The following DVL1 variants were observed in gnomAD, a reference collection of about 807,000 sequenced individuals.
DVL1 encodes segment polarity protein dishevelled homolog DVL-1.
In DVL1, 49 loss-of-function variants were observed where a neutral mutation model predicts 65.0. The ratio of observed to expected loss-of-function variants is 0.75; its 90% CI spans 0.60 to 0.96. The LOEUF (loss-of-function observed/expected upper bound fraction) is 0.96, where lower values mean the gene tolerates loss of function less well. Ranked by LOEUF, DVL1 falls within the 40% of genes least tolerant of loss-of-function variation. The pLI, the probability that DVL1 is intolerant of heterozygous loss-of-function variation, is 0.00. For synonymous variants in DVL1, 608 were observed against 433.9 expected (o/e 1.40, Z -4.99); for missense variants, 1,197 against 1,045.4 (o/e 1.15, Z -2.00).
Position 1,340,460 on chromosome 1 carries a change from G to A in DVL1, c.649C>T (p.Arg217Trp), listed in dbSNP as rs776253695. 1.7e-5 allele frequency: 28 copies of A among 1,610,680 alleles called. No individual in the cohort carries two copies. Among genetic ancestry groups the A allele is most frequent in the South Asian group, 6.6e-5 (6 of 90,510 alleles). Residue 217 changes from arginine to tryptophan, a missense_variant, in exon 6 of 15, where the codon CGG becomes TGG. Coordinates refer to ENST00000378888, the MANE Select transcript of DVL1 (RefSeq NM_001330311.2). ...TEQSTSSRLI[R>W]KHKRRRRKQR... ...TTCCTCCGCCGGCGTTTGTGCTTCC[G>A]GATGAGTCTGGATGAGGTGCTCTGC...
At chr1:1,346,742 C>T (rs1182752466) in intron 1 of DVL1, among the ~76,000 whole-genome samples, 9 of 152,202 alleles carry the variant, frequency 5.9e-5, no homozygotes, top group Non-Finnish European at 8.8e-5. Flanking sequence ...GAGAATGCAG[C>T]GGGGGCTGGC....
rs978500384 is a variant in DVL1 at position 1,335,692 on chromosome 1, G to A, written c.*450C>T. On this transcript the variant is annotated 3_prime_UTR_variant, in exon 15 of 15. Transcript: ENST00000378888. ...AGGGGCAGCAGCAGGTGGGACAGAT[G>A]ACAGGGTCGCCTCCTCCCCCGAGTC... 2.3e-5 allele frequency: 4 copies of A among 171,320 alleles called. No homozygotes were observed. The highest frequency in any genetic ancestry group is 4.8e-5 in the African/African-American group (2 of 41,612). The allele number at this position is 171,320 out of a possible 1,614,324, so 10.6% of individuals were successfully genotyped here.
chr1:1,342,792 G>C lies in DVL1; in HGVS notation c.171-34C>G, dbSNP rs368967258. On this transcript the variant is annotated intron_variant, in intron 1 of 14. Transcript: ENST00000378888. Reference sequence around the variant, plus strand: ...ATATGCTGCCGTGAGGCCCCACCTGGGGGGCCCAACCCTGCGGTTCTAGAG... The same window carrying C: ...ATATGCTGCCGTGAGGCCCCACCTGCGGGGCCCAACCCTGCGGTTCTAGAG... 12 of 1,607,016 alleles carry C rather than the reference G, an allele frequency of 7.5e-6. No individual in the cohort carries two copies. In the Admixed American group the frequency reaches 8.4e-5, roughly 11 times the overall value.
At chr1:1,348,266 C>A (rs1643950285) in intron 1 of DVL1, among the ~76,000 whole-genome samples, 1 of 152,162 alleles carries the variant, frequency 6.6e-6, no homozygotes, top group African/African-American at 2.4e-5. Context: ...CCAGGCTGCC[C>A]CGAAACAGCA....
At position 1,341,213 on chromosome 1, in the gene DVL1, GCA is replaced by G. The variant is rs1037132666; in HGVS notation, c.605+452_605+453del. ...TCTGCACACGCACACCTGCACACACGCACACGCACACATGCACACACCTGCGC... is the reference window on the plus strand; with the variant it reads ...TCTGCACACGCACACCTGCACACACGCACGCACACATGCACACACCTGCGC... On this transcript the variant is annotated intron_variant, in intron 5 of 14. Transcript: ENST00000378888. Among the ~76,000 whole-genome samples, 78 of 149,668 alleles carry G rather than the reference GCA, an allele frequency of 5.2e-4. 1 individual carries two copies. The South Asian group carries it at 6.5e-3, about 13-fold the overall frequency.
chr1:1,348,453 G>A (rs570221832), intron 1 of DVL1, among the ~76,000 whole-genome samples: 2 of 152,278 alleles, frequency 1.3e-5, no homozygotes, highest in African/African-American at 4.8e-5. Context: ...CTTGACCCTC[G>A]GGAAGCTTCT....
At chr1:1,338,229 T>TTGGGCCCC in intron 13 of DVL1, 40 bp downstream of exon 13, 2 of 1,522,362 alleles carry the variant, frequency 1.3e-6, no homozygotes, top group Non-Finnish European at 1.8e-6. Context: ...CCTCCGGCGT[T>TTGGGCCCC]CCCCTCCCCC....
rs1184313562 is a variant in DVL1 at position 1,342,060 on chromosome 1, G to A, written c.459C>T (p.Arg153=). The A allele has an allele frequency of 1.1e-5, 17 of 1,578,420 alleles. No individual in the cohort carries two copies. Among genetic ancestry groups the A allele is most frequent in the East Asian group, 4.6e-5 (2 of 43,164 alleles). Residue 153 remains arginine (R), a synonymous_variant, in exon 4 of 15, where the codon CGC becomes CGT. Transcript: ENST00000378888. Reference sequence around the variant, plus strand: ...CAGACATGACCACTGTACCCTCCTCGCGGTTCCGGCGTCGGGCACGCTCCC... The same window carrying A: ...CAGACATGACCACTGTACCCTCCTCACGGTTCCGGCGTCGGGCACGCTCCC... ...HRRERARRRN[R]EEAARTNGHP...
chr1:1,338,513 G>A lies in DVL1; in HGVS notation c.1339+9C>T, dbSNP rs775799425. The A allele has an allele frequency of 6.2e-7, 1 of 1,612,090 alleles. No individual in the cohort carries two copies. The highest frequency in any genetic ancestry group is 8.5e-7 in the Non-Finnish European group (1 of 1,179,554). ...CTGGCACTATCCGCCCGCGGGGACG[G>A]CCACTCACCGATGACGGCATTGGCG... On this transcript the variant is annotated intron_variant, in intron 12 of 14. Coordinates refer to ENST00000378888, the MANE Select transcript of DVL1 (RefSeq NM_001330311.2).
At chr1:1,341,546 A>G in intron 5 of DVL1, 121 bp downstream of exon 5, 1 of 1,281,880 alleles carries the variant, frequency 7.8e-7, no homozygotes, top group Non-Finnish European at 1.0e-6. Context: ...GCAGGCACAC[A>G]CATGCACACA....
chr1:1,344,611 A>G (rs1643891362), intron 1 of DVL1, among the ~76,000 whole-genome samples: 1 of 152,038 alleles, frequency 6.6e-6, no homozygotes, highest in Admixed American at 6.5e-5. Context: ...GACGCCCCCA[A>G]AGAGCAGAGA....
chr1:1,341,788 G>A lies in DVL1; in HGVS notation c.484C>T (p.His162Tyr), dbSNP rs551465307. 1.9e-6 allele frequency: 3 copies of A among 1,594,974 alleles called. No homozygotes were observed. Among genetic ancestry groups the A allele is most frequent in the East Asian group, 2.3e-5 (1 of 44,178 alleles). ...TCCCGCCGTCGGTCTCCCCTTGGGTGCCCATTGGTCCGGGCGGCTGTGGGG... is the reference window on the plus strand; with the variant it reads ...TCCCGCCGTCGGTCTCCCCTTGGGTACCCATTGGTCCGGGCGGCTGTGGGG... ...NREEAARTNG[H>Y]PRGDRRRDVG... Residue 162 changes from histidine (H) to tyrosine (Y), a missense_variant, in exon 5 of 15, where the codon CAC (histidine) becomes TAC (tyrosine). Coordinates refer to ENST00000378888, the MANE Select transcript of DVL1 (RefSeq NM_001330311.2).
In DVL1 at chr1:1,336,518, G is replaced by A. The variant is rs746990390; in HGVS notation, c.1715-3C>T. 8.6e-6 allele frequency: 13 copies of A among 1,507,612 alleles called. No individual in the cohort carries two copies. In the African/African-American group the frequency reaches 1.7e-4, roughly 20 times the overall value. The allele number at this position is 1,507,612 out of a possible 1,614,324, so 93.4% of individuals were successfully genotyped here. On this transcript the variant is annotated splice_region_variant and splice_polypyrimidine_tract_variant and intron_variant, in intron 14 of 14. Coordinates refer to ENST00000378888, the MANE Select transcript of DVL1 (RefSeq NM_001330311.2). ...GGTGGACCCACTGCTTTTGCTCCCT[G>A]GGAGTGAGAACAGGATGGGGAAGGA...
chr1:1,339,274 AGC>A lies in DVL1; in HGVS notation c.1207+11_1207+12del. On this transcript the variant is annotated intron_variant, in intron 11 of 14. Coordinates refer to ENST00000378888, the MANE Select transcript of DVL1 (RefSeq NM_001330311.2). ...CTCGGTTTCTGCTGGGGCCCTCAGGAGCTGCCACTTACGTGGAGCACCAGGCA... is the reference window on the plus strand; with the variant it reads ...CTCGGTTTCTGCTGGGGCCCTCAGGATGCCACTTACGTGGAGCACCAGGCA... 1 of 1,548,348 alleles carries A rather than the reference AGC, an allele frequency of 6.5e-7. No homozygotes were observed. The highest frequency in any genetic ancestry group is 1.2e-5 in the South Asian group (1 of 83,976).
chr1:1,349,206 G>A lies in DVL1; in HGVS notation c.-141C>T, dbSNP rs940012986. On this transcript the variant is annotated 5_prime_UTR_variant, in exon 1 of 15. Coordinates refer to ENST00000378888, the MANE Select transcript of DVL1 (RefSeq NM_001330311.2). The surrounding 1 kb of genome is among the most constrained non-coding windows in gnomAD (Gnocchi z 4.1). ...CGCTCCGAGGCCCCCGGGCGCCCCC[G>A]CCCGACCGCCCAGGCCCCGGCCGCC... The A allele has an allele frequency of 1.0e-4, 39 of 377,716 alleles. No individual in the cohort carries two copies. The highest frequency in any genetic ancestry group is 1.3e-4 in the Non-Finnish European group (37 of 279,608). 23.4% of individuals were successfully genotyped at this position (377,716 alleles called of 1,614,324 possible).
chr1:1,336,716 C>T (rs1439053464), intron 14 of DVL1, among the ~76,000 whole-genome samples: 1 of 152,182 alleles, frequency 6.6e-6, no homozygotes, highest in African/African-American at 2.4e-5. Flanking sequence ...CTGGTGGGGG[C>T]AGTGGGAGGC....
intron 1 of DVL1, among the ~76,000 whole-genome samples, chr1:1,344,900 G>A (rs1267559992): frequency 6.6e-6 from 1 of 152,034 alleles, no homozygotes; most frequent in Non-Finnish European, 1.5e-5. Context: ...ACGGCCCCAG[G>A]TGGCCTGGCC....
At chr1:1,340,809 A>G (rs551963017) in intron 5 of DVL1, among the ~76,000 whole-genome samples, 85 of 128,060 alleles carry the variant, frequency 6.6e-4, no homozygotes, top group African/African-American at 2.6e-3. Context: ...CAAGGCACAC[A>G]TGCACACACC....
At chr1:1,344,214 C>T (rs569823680) in intron 1 of DVL1, among the ~76,000 whole-genome samples, 27 of 152,336 alleles carry the variant, frequency 1.8e-4, no homozygotes, top group South Asian at 1.4e-3. Flanking sequence ...GCATTTTCCA[C>T]GCCCGGGACT....
Sources: gnomAD v4.1 joint callset for allele counts (sites outside exome capture counted in the v4.1 genomes callset) on GRCh38, gnomAD v4.1.1 for gene constraint, Gnocchi (gnomAD v3.1) non-coding constraint, MANE v1.5 for transcripts, NCBI Gene and HGNC (gene_info 2026-07-23, HGNC 2026-07-21) for gene names.